Variants in BTD observed in about 807,000 individuals in gnomAD.
BTD encodes biotinidase, also known as biocytinase.
Under a neutral mutation model 17.7 loss-of-function variants are expected in BTD, and 13 were observed. The observed-to-expected ratio is 0.74, with a 90% CI of 0.48 to 1.17. The LOEUF is 1.17. Among genes scored for constraint, BTD ranks in the 50% most tolerant of loss-of-function variants. BTD has a pLI of 0.00. For missense variants in BTD, 674 were observed against 650.4 expected (o/e 1.04, Z -0.39); for synonymous variants, 240 against 245.2 (o/e 0.98, Z 0.20).
chr3:15,686,049 T>C, intron 3 of BTD: 1 of 1,613,816 alleles, frequency 6.2e-7, no homozygotes, highest in South Asian at 1.1e-5. Context: ...GCATCTACAT[T>C]TGCTCCTTTG....
At chr3:15,670,398 A>G (rs774987083) in intron 3 of BTD, 1 of 1,614,002 alleles carries the variant, frequency 6.2e-7, no homozygotes, top group South Asian at 1.1e-5. Flanking sequence ...AAAGCTTCAA[A>G]GCTGACTGTT....
At position 15,635,657 on chromosome 3, in the gene BTD, A is replaced by G. The variant is rs397514348; in HGVS notation, c.218A>G (p.Tyr73Cys). The G allele has an allele frequency of 3.1e-6, 5 of 1,614,084 alleles. No individual in the cohort carries two copies. Among genetic ancestry groups the G allele is most frequent in the South Asian group, 2.2e-5 (2 of 91,086 alleles). Residue 73 changes from tyrosine to cysteine, a missense_variant, in exon 2 of 4, where the codon TAT becomes TGT. Physicochemically the swap from Tyr to Cys is radical, Grantham distance 194. Transcript: ENST00000643237. The surrounding 1 kb of genome is among the most constrained non-coding windows in gnomAD (Gnocchi z 4.1). ...CTCATGAACCAGAACCTTGACATCTATGAACAGCAAGTGATGACTGCAGCC... is the reference window on the plus strand; with the variant it reads ...CTCATGAACCAGAACCTTGACATCTGTGAACAGCAAGTGATGACTGCAGCC... ...LELMNQNLDI[Y>C]EQQVMTAAQK...
intron 1 of BTD, chr3:15,632,734 G>C (rs2065244399): frequency 6.6e-6 from 1 of 152,288 alleles, no homozygotes; most frequent in East Asian, 1.9e-4. Flanking sequence ...CTGCTGGAAG[G>C]CTTCTGGGGG....
intron 3 of BTD, chr3:15,696,289 A>AT: frequency 1.6e-6 from 2 of 1,217,790 alleles, no homozygotes; most frequent in Non-Finnish European, 2.3e-6. Flanking sequence ...TAAATCCTGC[A>AT]TATTAACCAA....
intron 1 of BTD, among the ~76,000 whole-genome samples, chr3:15,611,457 A>C (rs746671493): frequency 5.3e-4 from 80 of 152,164 alleles, no homozygotes; most frequent in African/African-American, 1.8e-3. Flanking sequence ...GCCTTCTTTT[A>C]CTATATTCTC....
chr3:15,706,991 T>C (rs980550468), intron 3 of BTD, among the ~76,000 whole-genome samples: 3 of 152,344 alleles, frequency 2.0e-5, no homozygotes, highest in Non-Finnish European at 4.4e-5. Flanking sequence ...AAGTTACTTA[T>C]AAAAATGGTT....
At chr3:15,690,916 A>G (rs1168885473) in intron 3 of BTD, among the ~76,000 whole-genome samples, 1 of 152,138 alleles carries the variant, frequency 6.6e-6, no homozygotes, top group Non-Finnish European at 1.5e-5. Context: ...TCAACTGCAA[A>G]GACAGCTAGC....
At chr3:15,709,771 G>A in intron 3 of BTD, 2 of 1,390,940 alleles carry the variant, frequency 1.4e-6, no homozygotes, top group East Asian at 5.0e-5. Flanking sequence ...AAACTTAATT[G>A]ACAGTGATTT....
chr3:15,630,098 A>G, intron 1 of BTD: 4 of 985,388 alleles, frequency 4.1e-6, no homozygotes, highest in Non-Finnish European at 4.8e-6. Context: ...ACAAATTCAA[A>G]AAGATGCCAT....
At chr3:15,633,030 A>T (rs2065251401) in intron 1 of BTD, among the ~76,000 whole-genome samples, 1 of 152,206 alleles carries the variant, frequency 6.6e-6, no homozygotes, top group East Asian at 1.9e-4. Context: ...CCTTATATCA[A>T]ATGGTGTAGA....
chr3:15,710,803 GAC>G (rs1298894596), exon 4 of BTD, among the ~76,000 whole-genome samples: 1 of 151,746 alleles, frequency 6.6e-6, no homozygotes, highest in African/African-American at 2.4e-5. Context: ...GTAGAGGTAA[GAC>G]ACAGCACAAA....
intron 3 of BTD, among the ~76,000 whole-genome samples, chr3:15,691,147 G>A (rs1253306533): frequency 6.8e-6 from 1 of 147,610 alleles, no homozygotes; most frequent in Non-Finnish European, 1.5e-5. Flanking sequence ...TTTTTGAGAC[G>A]GAGTCTCACT....
chr3:15,636,176 A>C (rs551775558), intron 2 of BTD, among the ~76,000 whole-genome samples: 1 of 152,266 alleles, frequency 6.6e-6, no homozygotes, highest in Non-Finnish European at 1.5e-5. Flanking sequence ...AAATTTGAAG[A>C]TGACTGGGCG....
intron 3 of BTD, among the ~76,000 whole-genome samples, chr3:15,643,748 A>C (rs942490838): frequency 6.6e-6 from 1 of 151,766 alleles, no homozygotes; most frequent in Non-Finnish European, 1.5e-5. Flanking sequence ...GATAAATATA[A>C]GTACTTTTAT....
At chr3:15,712,948 T>C (rs1382624337), downstream of BTD, among the ~76,000 whole-genome samples, 1 of 152,198 alleles carries the variant, frequency 6.6e-6, no homozygotes, top group Non-Finnish European at 1.5e-5. Flanking sequence ...CACATGTAAA[T>C]GTGATACAAA....
chr3:15,674,658 G>A (rs968996234), intron 3 of BTD, among the ~76,000 whole-genome samples: 1 of 152,168 alleles, frequency 6.6e-6, no homozygotes, highest in African/African-American at 2.4e-5. Context: ...GAGAGCACTA[G>A]GGAGTCAATG....
At chr3:15,709,434 A>G (rs1253373884) in intron 3 of BTD, among the ~76,000 whole-genome samples, 3 of 152,130 alleles carry the variant, frequency 2.0e-5, no homozygotes, top group Non-Finnish European at 4.4e-5. Context: ...GTATAGAGGC[A>G]TTTATAAGGC....
chr3:15,719,598 C>T (rs2073469600), intron 4 of BTD, among the ~76,000 whole-genome samples: 1 of 152,140 alleles, frequency 6.6e-6, no homozygotes, highest in Non-Finnish European at 1.5e-5. Flanking sequence ...GAGGCAAGGT[C>T]TCACCTGTCG....
downstream of BTD, among the ~76,000 whole-genome samples, chr3:15,658,182 AG>A (rs2065890375): frequency 2.0e-5 from 3 of 147,672 alleles, no homozygotes; most frequent in Admixed American, 6.8e-5. Flanking sequence ...AAAAAAAAAA[AG>A]AAAGAAAGAA....
Sources: gnomAD v4.1 joint callset for allele counts (sites outside exome capture counted in the v4.1 genomes callset) on GRCh38, gnomAD v4.1.1 for gene constraint, Gnocchi (gnomAD v3.1) non-coding constraint, MANE v1.5 for transcripts, NCBI Gene and HGNC (gene_info 2026-07-23, HGNC 2026-07-21) for gene names.